Variants in SIPA1L1 observed in about 807,000 individuals in gnomAD.
The protein encoded by SIPA1L1 is signal induced proliferation associated 1 like 1.
Under a neutral mutation model 162.7 loss-of-function variants are expected in SIPA1L1, and 26 were observed. That is an observed-to-expected ratio of 0.16 (90% CI 0.12 to 0.22). SIPA1L1 has a LOEUF of 0.22. SIPA1L1 is among the 10% of genes least tolerant of loss of function. The pLI, the probability that SIPA1L1 is intolerant of heterozygous loss-of-function variation, is 1.00. For missense variants in SIPA1L1, 1,874 were observed against 2,241.0 expected, an observed-to-expected ratio of 0.84 and a Z score of 3.31; for synonymous variants, 829 against 837.4, an observed-to-expected ratio of 0.99 and a Z score of 0.17.
chr14:71,384,523 A>T (rs538373730), intron 2 of SIPA1L1, among the ~76,000 whole-genome samples: 1 of 152,336 alleles, frequency 6.6e-6, no homozygotes, highest in South Asian at 2.1e-4. Context: ...GCTACACCCA[A>T]TAGAGCCTTT....
At position 71,671,581 on chromosome 14, in the gene SIPA1L1, G is replaced by C; in HGVS notation, c.2718G>C (p.Gly906=). 6.2e-7 allele frequency: 1 copy of C among 1,614,182 alleles called. No individual in the cohort carries two copies. Among genetic ancestry groups the C allele is most frequent in the Non-Finnish European group, 8.5e-7 (1 of 1,180,014 alleles). Residue 906 remains glycine (G), a synonymous_variant, in exon 11 of 24, where the codon GGG becomes GGC. Coordinates refer to ENST00000381232, the MANE Select transcript of SIPA1L1 (RefSeq NM_001386936.1). ...VFNCSCRDVI[G]WTSTDTSLKI... ...ATTGTTCCTGTAGAGATGTGATAGG[G>C]TGGACTTCAACTGACACCAGCCTCA... is the stretch of plus-strand genomic sequence containing the variant.
chr14:71,581,439 T>G (rs527905053), intron 4 of SIPA1L1, among the ~76,000 whole-genome samples: 3 of 152,320 alleles, frequency 2.0e-5, no homozygotes, highest in Non-Finnish European at 4.4e-5. Flanking sequence ...TTCTGTGGGT[T>G]TCTTGAATTT....
In SIPA1L1 at chr14:71,532,725, G is replaced by A. The variant is rs1232093360; in HGVS notation, c.-303+3355G>A. The stretch of plus-strand genomic sequence containing the variant: ...TCTTTAAAAGTATTATAGAGGGTAC[G>A]TATACACTGATGAAAGTAAATTTTT... On this transcript the variant is annotated intron_variant, in intron 4 of 23. Transcript: ENST00000381232. 3.9e-5 allele frequency among the ~76,000 whole-genome samples: 6 copies of A among 152,230 alleles called. No individual in the cohort carries two copies. The South Asian group carries it at 6.2e-4, about 16-fold the overall frequency.
At chr14:71,382,902 C>T (rs940183838) in intron 2 of SIPA1L1, among the ~76,000 whole-genome samples, 1 of 151,938 alleles carries the variant, frequency 6.6e-6, no homozygotes, top group Non-Finnish European at 1.5e-5. Flanking sequence ...TGATGGGTGC[C>T]CCAGAGAGGC....
intron 2 of SIPA1L1, among the ~76,000 whole-genome samples, chr14:71,385,161 T>C (rs1196574119): frequency 6.6e-6 from 1 of 152,168 alleles, no homozygotes; most frequent in Non-Finnish European, 1.5e-5. Context: ...TTAAAAGCTT[T>C]CTCCCTCAGA....
intron 2 of SIPA1L1, among the ~76,000 whole-genome samples, chr14:71,487,277 C>T (rs1471129935): frequency 2.0e-5 from 3 of 152,142 alleles, no homozygotes; most frequent in Admixed American, 2.0e-4. Context: ...GGTTTAGTGG[C>T]TTAGGTGTTC....
intron 2 of SIPA1L1, among the ~76,000 whole-genome samples, chr14:71,491,394 C>A (rs139048890): frequency 6.6e-6 from 1 of 152,254 alleles, no homozygotes; most frequent in East Asian, 1.9e-4. Flanking sequence ...TATCTCCAAA[C>A]TGACATTGTA....
At chr14:71,511,868 C>T (rs567240944) in intron 2 of SIPA1L1, among the ~76,000 whole-genome samples, 7 of 152,196 alleles carry the variant, frequency 4.6e-5, no homozygotes, top group Admixed American at 6.5e-5. Flanking sequence ...TTCAAAAGGA[C>T]AGCCTCAGAG....
chr14:71,451,893 G>A (rs1164110884), intron 2 of SIPA1L1, among the ~76,000 whole-genome samples: 1 of 151,898 alleles, frequency 6.6e-6, no homozygotes, highest in Non-Finnish European at 1.5e-5. Flanking sequence ...AGGGAAAATG[G>A]TCATTATATA....
chr14:71,367,792 A>C (rs1456728075), intron 2 of SIPA1L1, among the ~76,000 whole-genome samples: 1 of 149,332 alleles, frequency 6.7e-6, no homozygotes, highest in East Asian at 2.0e-4. Context: ...TTTTTAGTAG[A>C]GACGGGGTTT....
intron 12 of SIPA1L1, among the ~76,000 whole-genome samples, chr14:71,674,180 C>A (rs775482119): frequency 2.0e-5 from 3 of 152,160 alleles, no homozygotes; most frequent in Non-Finnish European, 2.9e-5. Context: ...AAATATGGAG[C>A]CCTTGACCTT....
intron 4 of SIPA1L1, among the ~76,000 whole-genome samples, chr14:71,569,993 A>G (rs1052847930): frequency 6.6e-6 from 1 of 152,222 alleles, no homozygotes; most frequent in African/African-American, 2.4e-5. Flanking sequence ...GTTAAGTAAC[A>G]TTGTGGCATT....
chr14:71,388,009 C>G (rs1226339243), intron 2 of SIPA1L1, among the ~76,000 whole-genome samples: 1 of 152,238 alleles, frequency 6.6e-6, no homozygotes, highest in Non-Finnish European at 1.5e-5. Context: ...ACAGATCACT[C>G]TGCAGAGCAA....
At chr14:71,571,968 A>AAAATTTTT (rs1271519054) in intron 4 of SIPA1L1, among the ~76,000 whole-genome samples, 1 of 151,976 alleles carries the variant, frequency 6.6e-6, no homozygotes, top group Admixed American at 6.6e-5. Context: ...GTTTATTTTT[A>AAAATTTTT]AAAAGAATTT....
intron 6 of SIPA1L1, among the ~76,000 whole-genome samples, chr14:71,620,218 C>T (rs778736920): frequency 2.0e-5 from 3 of 152,030 alleles, no homozygotes; most frequent in East Asian, 1.9e-4. Flanking sequence ...TACAGGCATG[C>T]GCCACCATGC....
chr14:71,389,443 T>A lies in SIPA1L1; in HGVS notation c.-465+68262T>A, dbSNP rs182271604. 1.6e-3 allele frequency among the ~76,000 whole-genome samples: 248 copies of A among 152,252 alleles called. 1 individual carries two copies. Among genetic ancestry groups the A allele is most frequent in the African/African-American group, 5.2e-3 (217 of 41,556 alleles). On this transcript the variant is annotated intron_variant, in intron 2 of 23. Coordinates refer to ENST00000381232, the MANE Select transcript of SIPA1L1 (RefSeq NM_001386936.1). ...TGATTGATGATCATTGCTCAGAAAATCTTTTACTTATATTTGAATTTCTGT... is the reference window on the plus strand; with the variant it reads ...TGATTGATGATCATTGCTCAGAAAAACTTTTACTTATATTTGAATTTCTGT...
chr14:71,515,821 T>C (rs2051667788), intron 3 of SIPA1L1, among the ~76,000 whole-genome samples: 3 of 152,068 alleles, frequency 2.0e-5, no homozygotes, highest in Admixed American at 1.3e-4. Context: ...TGTTGTTGTT[T>C]AGTAGAGATG....
At position 71,356,567 on chromosome 14, in the gene SIPA1L1, CAAA is replaced by C. The variant is rs71105772; in HGVS notation, c.-465+35404_-465+35406del. Among the ~76,000 whole-genome samples, 64 of 39,158 alleles carry C rather than the reference CAAA, an allele frequency of 1.6e-3. 2 individuals are homozygous for C. The South Asian group carries it at 0.042, about 26-fold the overall frequency. 25.7% of individuals were successfully genotyped at this position (39,158 alleles called of 152,430 possible). A position where few individuals can be genotyped will look rare whatever the true frequency, so the allele number is the denominator to read the frequency against. ...GCAACATAGCAAGACCTTGTCTCTA[CAAA>C]AAAAAAAAAAAAAAAAAGCACACCT... On this transcript the variant is annotated intron_variant, in intron 2 of 23. Coordinates refer to ENST00000381232, the MANE Select transcript of SIPA1L1 (RefSeq NM_001386936.1).
chr14:71,502,693 A>G (rs560624446), intron 2 of SIPA1L1, among the ~76,000 whole-genome samples: 2 of 152,306 alleles, frequency 1.3e-5, no homozygotes, highest in South Asian at 4.1e-4. Flanking sequence ...CATTTAATCC[A>G]GAGAGACTAT....
Sources: gnomAD v4.1 joint callset for allele counts (sites outside exome capture counted in the v4.1 genomes callset) on GRCh38, gnomAD v4.1.1 for gene constraint, MANE v1.5 for transcripts, NCBI Gene and HGNC (gene_info 2026-07-23, HGNC 2026-07-21) for gene names.